Variants in RBFOX1 observed in about 807,000 individuals in gnomAD.
The protein encoded by RBFOX1 is RNA binding protein fox-1 homolog 1.
Under a neutral mutation model 57.7 loss-of-function variants are expected in RBFOX1, and 8 were observed. That is an observed-to-expected ratio of 0.14 (90% CI 0.08 to 0.25). RBFOX1 has a LOEUF of 0.25. RBFOX1 is among the 10% of genes least tolerant of loss of function. The pLI is 1.00. For synonymous variants in RBFOX1, 326 were observed against 222.4 expected (o/e 1.47, Z -4.15); for missense variants, 611 against 548.5 (o/e 1.11, Z -1.14).
At chr16:5,596,479 T>C (rs1442839386) in intron 2 of RBFOX1, among the ~76,000 whole-genome samples, 1 of 152,156 alleles carries the variant, frequency 6.6e-6, no homozygotes, top group African/African-American at 2.4e-5. Flanking sequence ...GAAAGACAGA[T>C]TGATTCATGC....
chr16:6,582,925 C>A (rs1452872741), intron 2 of RBFOX1, among the ~76,000 whole-genome samples: 1 of 151,054 alleles, frequency 6.6e-6, no homozygotes, highest in African/African-American at 2.4e-5. Context: ...TGCAATTTTT[C>A]TCCCCTCCCC....
intron 3 of RBFOX1, among the ~76,000 whole-genome samples, chr16:5,771,449 TC>T (rs1319220468): frequency 1.3e-5 from 2 of 152,220 alleles, no homozygotes; most frequent in African/African-American, 4.8e-5. Context: ...CCCTCCGTAG[TC>T]CAGGCTGGAG....
At chr16:6,789,014 C>T (rs907953963) in intron 3 of RBFOX1, among the ~76,000 whole-genome samples, 3 of 152,194 alleles carry the variant, frequency 2.0e-5, no homozygotes, top group East Asian at 3.9e-4. Context: ...TCTGGATGGA[C>T]CCAGTCTGAA....
At chr16:7,583,321 GT>G (rs1275865058) in intron 6 of RBFOX1, among the ~76,000 whole-genome samples, 1 of 152,132 alleles carries the variant, frequency 6.6e-6, no homozygotes, top group Non-Finnish European at 1.5e-5. Flanking sequence ...AGGGATGTTA[GT>G]TTTATAGGTG....
chr16:7,515,503 A>AC (rs535492405), intron 4 of RBFOX1, among the ~76,000 whole-genome samples: 2 of 152,070 alleles, frequency 1.3e-5, no homozygotes, highest in African/African-American at 4.8e-5. Context: ...ACACACACAC[A>AC]AATGGAGATC....
intron 2 of RBFOX1, among the ~76,000 whole-genome samples, chr16:6,338,625 A>G (rs1170406541): frequency 1.3e-5 from 2 of 152,236 alleles, no homozygotes; most frequent in Admixed American, 1.3e-4. Context: ...AGTACTTTAA[A>G]GGTTAGAAAT....
At chr16:6,360,363 G>T (rs1170214940) in intron 2 of RBFOX1, among the ~76,000 whole-genome samples, 1 of 151,832 alleles carries the variant, frequency 6.6e-6, no homozygotes, top group Non-Finnish European at 1.5e-5. Context: ...TATTATACTT[G>T]CACTGCAGGG....
At chr16:5,414,158 C>T (rs549340402) in intron 1 of RBFOX1, among the ~76,000 whole-genome samples, 12 of 152,250 alleles carry the variant, frequency 7.9e-5, no homozygotes, top group East Asian at 5.8e-4. Flanking sequence ...ACAATCATTG[C>T]GCCAAGGGAA....
chr16:6,083,489 G>T (rs7194286), intron 1 of RBFOX1, among the ~76,000 whole-genome samples: 82,655 of 151,894 alleles, frequency 0.54, 23,197 homozygotes, highest in East Asian at 0.68. Flanking sequence ...TTTGGTTTTG[G>T]TTTTTGAGAT....
At chr16:6,911,684 G>C (rs1179838281) in intron 3 of RBFOX1, among the ~76,000 whole-genome samples, 1 of 152,174 alleles carries the variant, frequency 6.6e-6, no homozygotes, top group Admixed American at 6.5e-5. Flanking sequence ...ATCCATAGCA[G>C]ACAGGCAATT....
At chr16:7,479,780 A>C (rs2063508123) in intron 4 of RBFOX1, among the ~76,000 whole-genome samples, 1 of 152,178 alleles carries the variant, frequency 6.6e-6, no homozygotes, top group Non-Finnish European at 1.5e-5. Context: ...TCAGCTCCAC[A>C]TTCTCCCCAG....
At chr16:6,363,851 C>G (rs756240072) in intron 2 of RBFOX1, among the ~76,000 whole-genome samples, 1 of 151,910 alleles carries the variant, frequency 6.6e-6, no homozygotes, top group Non-Finnish European at 1.5e-5. Flanking sequence ...TATTTTTGGC[C>G]TAGGAAATGA....
chr16:6,043,172 C>G (rs73522172), intron 1 of RBFOX1, among the ~76,000 whole-genome samples: 2,937 of 105,508 alleles, frequency 0.028, 116 homozygotes, highest in African/African-American at 0.09. Context: ...AGATAAGGGG[C>G]GTTGTGGAAA....
chr16:5,505,518 A>G (rs2043349360), intron 2 of RBFOX1, among the ~76,000 whole-genome samples: 1 of 152,080 alleles, frequency 6.6e-6, no homozygotes, highest in Admixed American at 6.6e-5. Context: ...AGAGAGTCCC[A>G]CCAGAAGCCC....
intron 4 of RBFOX1, among the ~76,000 whole-genome samples, chr16:7,183,929 A>C: frequency 6.6e-6 from 1 of 152,274 alleles, no homozygotes; most frequent in East Asian, 1.9e-4. Flanking sequence ...TTAATAAACC[A>C]ATAAAGAGAG....
At chr16:7,519,665 T>C (rs762264406) in intron 5 of RBFOX1, 5 of 984,838 alleles carry the variant, frequency 5.1e-6, no homozygotes, top group Non-Finnish European at 6.0e-6. Context: ...CAGAATTCTT[T>C]AGAAGCTTGG....
intron 3 of RBFOX1, among the ~76,000 whole-genome samples, chr16:6,878,616 T>G (rs1293635381): frequency 3.4e-5 from 5 of 146,962 alleles, no homozygotes; most frequent in African/African-American, 1.3e-4. Context: ...ACATTTTGTT[T>G]GTGTGTTGTC....
intron 9 of RBFOX1, 120 bp downstream of exon 9, chr16:7,597,551 T>C: frequency 1.2e-6 from 1 of 813,690 alleles, no homozygotes; most frequent in Non-Finnish European, 1.9e-6. Flanking sequence ...GTGTTTTTAC[T>C]ACTGACCTGC....
intron 1 of RBFOX1, among the ~76,000 whole-genome samples, chr16:5,278,716 T>A (rs534613169): frequency 2.8e-4 from 42 of 152,256 alleles, no homozygotes; most frequent in Admixed American, 7.2e-4. Context: ...AGTTTTATAG[T>A]TGTGGCTGTT....
Sources: allele counts gnomAD v4.1 joint callset (sites outside exome capture counted in the v4.1 genomes callset), GRCh38; gene constraint gnomAD v4.1.1; transcripts MANE v1.5; gene names NCBI Gene and HGNC (gene_info 2026-07-23, HGNC 2026-07-21).